Variants in ARID1B observed in about 807,000 individuals in gnomAD.
ARID1B encodes the protein AT-rich interactive domain-containing protein 1B.
In ARID1B, 30 loss-of-function variants were observed where a neutral mutation model predicts 212.3. The observed-to-expected ratio is 0.14, with a 90% CI of 0.11 to 0.19. The LOEUF (loss-of-function observed/expected upper bound fraction) is 0.19. ARID1B is among the 10% of genes least tolerant of loss of function. The pLI, the probability that ARID1B is intolerant of heterozygous loss-of-function variation, is 1.00. For synonymous variants in ARID1B, 1,402 were observed against 1,301.7 expected (o/e 1.08, Z -1.66); for missense variants, 2,891 against 3,204.0 (o/e 0.90, Z 2.36).
Position 156,930,986 on chromosome 6 carries a change from A to T in ARID1B, c.2137-4480A>T, listed in dbSNP as rs149797998. On this transcript the variant is annotated intron_variant, in intron 3 of 19. Transcript: ENST00000636930. ...CGGGCAGTTCACAAGGTCAGGAGAT[A>T]GAGACCATTCTGGCCAACACAGTGA... 3.0e-3 allele frequency among the ~76,000 whole-genome samples: 461 copies of T among 152,164 alleles called. 2 individuals carry two copies. Among genetic ancestry groups the T allele is most frequent in the African/African-American group, 0.01 (416 of 41,518 alleles).
At chr6:157,114,238 A>T (rs924677286) in intron 6 of ARID1B, among the ~76,000 whole-genome samples, 6 of 152,040 alleles carry the variant, frequency 3.9e-5, no homozygotes, top group Non-Finnish European at 8.8e-5. Flanking sequence ...AAACGAGTAT[A>T]TCAGACTGGG....
intron 4 of ARID1B, among the ~76,000 whole-genome samples, chr6:156,992,337 GA>G (rs1282778119): frequency 2.6e-5 from 4 of 152,122 alleles, no homozygotes; most frequent in Admixed American, 1.3e-4. Context: ...GGTTCATGGG[GA>G]AAAAAATAAC....
chr6:156,930,624 C>T (rs1049049395), intron 3 of ARID1B, among the ~76,000 whole-genome samples: 6 of 151,960 alleles, frequency 3.9e-5, no homozygotes, highest in African/African-American at 4.8e-5. Context: ...GTATGAAGAA[C>T]GGAAGACTGG....
intron 3 of ARID1B, among the ~76,000 whole-genome samples, chr6:156,916,733 C>G (rs561809999): frequency 6.6e-6 from 1 of 152,230 alleles, no homozygotes; most frequent in East Asian, 1.9e-4. Context: ...CTCCTAGTAC[C>G]TTTAGACTCA....
At chr6:156,957,455 G>A (rs1193001446) in intron 4 of ARID1B, among the ~76,000 whole-genome samples, 1 of 152,102 alleles carries the variant, frequency 6.6e-6, no homozygotes, top group Non-Finnish European at 1.5e-5. Flanking sequence ...AGAGTAGCAG[G>A]CCAAGTTCCA....
intron 2 of ARID1B, among the ~76,000 whole-genome samples, chr6:156,836,127 C>T (rs777661332): frequency 7.2e-5 from 11 of 152,118 alleles, no homozygotes; most frequent in Admixed American, 1.3e-4. Flanking sequence ...ATCCCTTCAG[C>T]GCTCCTTGGA....
intron 4 of ARID1B, chr6:157,022,433 G>C (rs1344864482): frequency 6.6e-6 from 1 of 152,220 alleles, no homozygotes; most frequent in Non-Finnish European, 1.5e-5. Context: ...TTAATTAAAT[G>C]CTGAAGAGTC....
chr6:157,124,456 C>T (rs1399865327), intron 6 of ARID1B, among the ~76,000 whole-genome samples: 3 of 152,208 alleles, frequency 2.0e-5, no homozygotes, highest in African/African-American at 7.2e-5. Flanking sequence ...GACTGCTTTC[C>T]TGGAAGGGCA....
intron 1 of ARID1B, among the ~76,000 whole-genome samples, chr6:156,798,922 A>C (rs1447709511): frequency 6.6e-6 from 1 of 152,240 alleles, no homozygotes; most frequent in African/African-American, 2.4e-5. Flanking sequence ...GATACTAAAA[A>C]ACTTGGCAGT....
intron 4 of ARID1B, among the ~76,000 whole-genome samples, chr6:157,031,308 T>C (rs145921912): frequency 9.9e-4 from 151 of 152,328 alleles, no homozygotes; most frequent in Middle Eastern, 3.4e-3. Flanking sequence ...TAGGTTGTAG[T>C]TGGTGTATTG....
At chr6:157,088,157 C>T (rs1785066544) in intron 5 of ARID1B, among the ~76,000 whole-genome samples, 1 of 152,220 alleles carries the variant, frequency 6.6e-6, no homozygotes, top group Non-Finnish European at 1.5e-5. Context: ...AACAGGTGCT[C>T]ATTGCACAGG....
At chr6:157,009,176 G>T (rs1000166615) in intron 4 of ARID1B, among the ~76,000 whole-genome samples, 1 of 151,346 alleles carries the variant, frequency 6.6e-6, no homozygotes, top group African/African-American at 2.5e-5. Context: ...ACAGTCATTT[G>T]TAGGAAACTA....
chr6:157,079,722 C>T (rs1784519876), intron 4 of ARID1B, among the ~76,000 whole-genome samples: 1 of 152,106 alleles, frequency 6.6e-6, no homozygotes, highest in African/African-American at 2.4e-5. Flanking sequence ...GTGTTTGCAG[C>T]TGTATTTTTC....
At position 157,036,508 on chromosome 6, in the gene ARID1B, A is replaced by T. The variant is rs954022528; in HGVS notation, c.2248-48154A>T. The T allele has an allele frequency of 8.0e-5, 21 of 262,316 alleles. No individual in the cohort carries two copies. The Admixed American group carries it at 1.0e-3, about 13-fold the overall frequency. 16.2% of individuals were successfully genotyped at this position (262,316 alleles called of 1,614,324 possible). A position where few individuals can be genotyped will look rare whatever the true frequency, so the allele number is the denominator to read the frequency against. On this transcript the variant is annotated intron_variant, in intron 4 of 19. Coordinates refer to ENST00000636930, the MANE Select transcript of ARID1B (RefSeq NM_001374828.1). ...TAAAAGACCAAAAGGCATATGCAAC[A>T]TGTTGTGATTTAGGTGAGAAGGATG...
At chr6:156,787,293 T>C (rs1464272380) in intron 1 of ARID1B, among the ~76,000 whole-genome samples, 1 of 152,222 alleles carries the variant, frequency 6.6e-6, no homozygotes, top group Non-Finnish European at 1.5e-5. Context: ...TTAGATAATG[T>C]ATGCTGGCTG....
At chr6:156,930,888 A>T (rs1298080501) in intron 3 of ARID1B, among the ~76,000 whole-genome samples, 1 of 152,158 alleles carries the variant, frequency 6.6e-6, no homozygotes, top group African/African-American at 2.4e-5. Flanking sequence ...GCAGAAAGGT[A>T]AATAAAAAAA....
intron 1 of ARID1B, among the ~76,000 whole-genome samples, chr6:156,818,985 T>A (rs1447617363): frequency 6.6e-6 from 1 of 152,160 alleles, no homozygotes; most frequent in African/African-American, 2.4e-5. Context: ...TTGAATGTAT[T>A]ATCTCCAGTT....
At chr6:156,939,977 AAC>A (rs1311496459) in intron 4 of ARID1B, 1 of 152,232 alleles carries the variant, frequency 6.6e-6, no homozygotes, top group African/African-American at 2.4e-5. Context: ...TTTCTTATAA[AAC>A]ACTATATAAG....
chr6:157,161,431 G>GTA (rs199731974), intron 8 of ARID1B, among the ~76,000 whole-genome samples: 11,887 of 139,260 alleles, frequency 0.085, 608 homozygotes, highest in African/African-American at 0.1. Context: ...TTGTGTGTGT[G>GTA]TATATATATA....
Sources: allele counts gnomAD v4.1 joint callset (sites outside exome capture counted in the v4.1 genomes callset), GRCh38; gene constraint gnomAD v4.1.1; transcripts MANE v1.5; gene names NCBI Gene and HGNC (gene_info 2026-07-23, HGNC 2026-07-21).